Variants in CMC2 observed in about 807,000 individuals in gnomAD.
CMC2 encodes the protein COX assembly mitochondrial protein 2 homolog.
Under a neutral mutation model 7.5 loss-of-function variants are expected in CMC2, and 5 were observed. The ratio of observed to expected loss-of-function variants is 0.66; its 90% confidence interval spans 0.35 to 1.40. The LOEUF is 1.40. Ranked by LOEUF, CMC2 falls within the 40% of genes most tolerant of loss-of-function variation. The pLI is 0.04. For synonymous variants in CMC2, 37 were observed against 31.4 expected, an observed-to-expected ratio of 1.18 and a Z score of -0.60; for missense variants, 115 against 92.3, an observed-to-expected ratio of 1.25 and a Z score of -1.01.
chr16:81,005,730 C>T (rs1384061300), intron 1 of CMC2, among the ~76,000 whole-genome samples: 2 of 152,206 alleles, frequency 1.3e-5, no homozygotes, highest in African/African-American at 4.8e-5. Flanking sequence ...CGAAGAGTTT[C>T]TCAGAGAATG....
chr16:80,996,848 C>A (rs1382832325), intron 2 of CMC2: 3 of 191,108 alleles, frequency 1.6e-5, no homozygotes, highest in African/African-American at 7.1e-5. Context: ...TTCCATTCCA[C>A]TAACAACTAA....
At chr16:80,992,224 C>T (rs998401486) in intron 2 of CMC2, among the ~76,000 whole-genome samples, 1 of 152,186 alleles carries the variant, frequency 6.6e-6, no homozygotes, top group Non-Finnish European at 1.5e-5. Flanking sequence ...GTATAGTGCT[C>T]CATTGTGTGG....
chr16:80,980,220 T>C (rs936404180), intron 3 of CMC2, among the ~76,000 whole-genome samples: 2 of 152,248 alleles, frequency 1.3e-5, no homozygotes, highest in African/African-American at 4.8e-5. Context: ...AAGTTTACTA[T>C]TAAAGAAACA....
At position 80,971,599 on chromosome 16, in the gene CMC2, C is replaced by CATATAT. The variant is rs947816734; in HGVS notation, c.*4488_*4493dup. On this transcript the variant is annotated 3_prime_UTR_variant, in exon 4 of 4. Transcript: ENST00000219400. ...ATATATATATATGTATGAAATCATG[C>CATATAT]ATATATATATATGTATGAAATCATG... is the stretch of plus-strand genomic sequence containing the variant. 1.5e-4 allele frequency: 17 copies of CATATAT among 113,234 alleles called. No individual in the cohort carries two copies. The highest frequency in any genetic ancestry group is 7.3e-4 in the African/African-American group (16 of 21,834). 7.0% of individuals were successfully genotyped at this position (113,234 alleles called of 1,614,324 possible). A position where few individuals can be genotyped will look rare whatever the true frequency, so the allele number is the denominator to read the frequency against.
chr16:80,983,038 A>T (rs1424618327), intron 2 of CMC2: 3 of 164,742 alleles, frequency 1.8e-5, no homozygotes, highest in South Asian at 1.6e-4. Flanking sequence ...ATCATCTTGT[A>T]AACAGATGAT....
chr16:81,003,960 C>T (rs1301351435), intron 1 of CMC2, among the ~76,000 whole-genome samples: 1 of 152,224 alleles, frequency 6.6e-6, no homozygotes, highest in East Asian at 1.9e-4. Context: ...CTGTGGCTCA[C>T]GCCTGTAATC....
At chr16:80,981,912 C>G (rs1967145735) in intron 2 of CMC2, 35 bp from the exon 3 acceptor site, 3 of 1,366,800 alleles carry the variant, frequency 2.2e-6, no homozygotes, top group Non-Finnish European at 3.1e-6. Flanking sequence ...TATTTCATCC[C>G]ATAATATGCC....
chr16:80,997,491 C>G, intron 1 of CMC2, 62 bp from the exon 2 acceptor site: 2 of 861,204 alleles, frequency 2.3e-6, no homozygotes, highest in Admixed American at 3.8e-5. Flanking sequence ...CTAAAAGTAT[C>G]TTCATAAGAA....
At chr16:80,991,985 A>T (rs1283200664) in intron 2 of CMC2, 1 of 455,068 alleles carries the variant, frequency 2.2e-6, no homozygotes, top group Non-Finnish European at 4.4e-6. Flanking sequence ...CATTAGGTAA[A>T]CACTAACCTG....
intron 2 of CMC2, among the ~76,000 whole-genome samples, chr16:80,994,367 TGAAA>T (rs1968241046): frequency 7.1e-6 from 1 of 141,530 alleles, no homozygotes; most frequent in Non-Finnish European, 1.5e-5. Context: ...GCACAAACCA[TGAAA>T]GAAAAAAAAA....
rs932698966 is a variant in CMC2, at chr16:80,967,347, G to C, written c.*8746C>G. ...ATATCCTCGTTTTTTGTTTTGTTTT[G>C]TTTTGTTTTTTGAGACGGAGCTCGC... On this transcript the variant is annotated 3_prime_UTR_variant, in exon 4 of 4. Transcript: ENST00000219400. 1.3e-5 allele frequency: 2 copies of C among 153,634 alleles called. No individual in the cohort carries two copies. The highest frequency in any genetic ancestry group is 2.9e-5 in the Non-Finnish European group (2 of 69,332). The allele number at this position is 153,634 out of a possible 1,614,324, so 9.5% of individuals were successfully genotyped here. A position where few individuals can be genotyped will look rare whatever the true frequency, so the allele number is the denominator to read the frequency against.
intron 2 of CMC2, among the ~76,000 whole-genome samples, chr16:80,993,280 T>C (rs1464525198): frequency 2.0e-5 from 3 of 152,086 alleles, no homozygotes; most frequent in Admixed American, 1.3e-4. Context: ...CAAAACAAAG[T>C]GAACCCTACA....
At position 80,974,755 on chromosome 16, in the gene CMC2, T is replaced by C. The variant is rs900949456; in HGVS notation, c.*1338A>G. 2 of 152,254 alleles carry C rather than the reference T, an allele frequency of 1.3e-5. No homozygotes were observed. The highest frequency in any genetic ancestry group is 2.9e-5 in the Non-Finnish European group (2 of 68,052). 9.4% of individuals were successfully genotyped at this position (152,254 alleles called of 1,614,324 possible). On this transcript the variant is annotated 3_prime_UTR_variant, in exon 4 of 4. Coordinates refer to ENST00000219400, the MANE Select transcript of CMC2 (RefSeq NM_020188.5). ...GATTCTAAAGGCAAAATGTCTCATT[T>C]CTGTATTTCTACTGCCTGACACTAG...
rs2151607462 is a variant in CMC2, at chr16:80,973,813, T to C, written c.*2280A>G. 6.6e-6 allele frequency: 1 copy of C among 152,278 alleles called. No homozygotes were observed. The highest frequency in any genetic ancestry group is 1.9e-4 in the East Asian group (1 of 5,182). 9.4% of individuals were successfully genotyped at this position (152,278 alleles called of 1,614,324 possible). A position where few individuals can be genotyped will look rare whatever the true frequency, so the allele number is the denominator to read the frequency against. On this transcript the variant is annotated 3_prime_UTR_variant, in exon 4 of 4. Coordinates refer to ENST00000219400, the MANE Select transcript of CMC2 (RefSeq NM_020188.5). ...CAGTGTGTACTTTACTCTACAGGGA[T>C]CAGCAACAGCTGCAACACAAGAGAG...
chr16:80,989,065 T>C (rs1008408288), intron 2 of CMC2, among the ~76,000 whole-genome samples: 8 of 152,198 alleles, frequency 5.3e-5, no homozygotes, highest in African/African-American at 1.9e-4. Context: ...TGTCCCATTA[T>C]TGATGTTAAC....
chr16:80,969,088 CAG>C lies in CMC2; in HGVS notation c.*7003_*7004del, dbSNP rs1419240176. ...CCATTGGTAAGTTAAGTGTGTGTGTCAGAAAGTTACTGGTGGGAAATTCTGGA... is the reference window on the plus strand; with the variant it reads ...CCATTGGTAAGTTAAGTGTGTGTGTCAAAGTTACTGGTGGGAAATTCTGGA... On this transcript the variant is annotated 3_prime_UTR_variant, in exon 4 of 4. Coordinates refer to ENST00000219400, the MANE Select transcript of CMC2 (RefSeq NM_020188.5). 2.0e-5 allele frequency: 3 copies of C among 152,176 alleles called. No individual in the cohort carries two copies. The highest frequency in any genetic ancestry group is 7.2e-5 in the African/African-American group (3 of 41,442). The allele number at this position is 152,176 out of a possible 1,614,324, so 9.4% of individuals were successfully genotyped here.
rs1483707209 is a variant in CMC2 at position 80,972,444 on chromosome 16, C to G, written c.*3649G>C. On this transcript the variant is annotated 3_prime_UTR_variant, in exon 4 of 4. Coordinates refer to ENST00000219400, the MANE Select transcript of CMC2 (RefSeq NM_020188.5). Reference sequence around the variant, plus strand: ...AGATCAATGGCATAATTTGGTTCAGCCCAAGCCCTTTCTATAGAAAACTAA... The same window carrying G: ...AGATCAATGGCATAATTTGGTTCAGGCCAAGCCCTTTCTATAGAAAACTAA... 6.6e-6 allele frequency: 1 copy of G among 152,046 alleles called. No homozygotes were observed. The highest frequency in any genetic ancestry group is 1.5e-5 in the Non-Finnish European group (1 of 68,006). 9.4% of individuals were successfully genotyped at this position (152,046 alleles called of 1,614,324 possible). A position where few individuals can be genotyped will look rare whatever the true frequency, so the allele number is the denominator to read the frequency against.
intron 2 of CMC2, among the ~76,000 whole-genome samples, chr16:80,988,339 A>G (rs1967702723): frequency 6.6e-6 from 1 of 152,110 alleles, no homozygotes; most frequent in Non-Finnish European, 1.5e-5. Context: ...CTCACTATAC[A>G]CTCAAACTCC....
intron 3 of CMC2, among the ~76,000 whole-genome samples, chr16:80,979,588 A>G (rs933992307): frequency 6.6e-6 from 1 of 151,914 alleles, no homozygotes; most frequent in Non-Finnish European, 1.5e-5. Flanking sequence ...TTTTTCCATA[A>G]GCTATTTATT....
Sources: gnomAD v4.1 joint callset for allele counts (sites outside exome capture counted in the v4.1 genomes callset) on GRCh38, gnomAD v4.1.1 for gene constraint, MANE v1.5 for transcripts, NCBI Gene and HGNC (gene_info 2026-07-23, HGNC 2026-07-21) for gene names.